KHDRBS1: variants seen among roughly 807,000 people sequenced by gnomAD.
KHDRBS1 encodes the protein KH domain-containing, RNA-binding, signal transduction-associated protein 1.
KHDRBS1 carries 7 observed loss-of-function variants against 48.4 expected under a neutral mutation model. The observed-to-expected ratio is 0.14, with a 90% confidence interval of 0.08 to 0.27. KHDRBS1 has a LOEUF of 0.27. Among genes scored for constraint, KHDRBS1 ranks in the 10% least tolerant of loss-of-function variants. KHDRBS1 has a pLI of 1.00. For synonymous variants in KHDRBS1, 241 were observed against 235.8 expected (o/e 1.02, Z -0.20); for missense variants, 458 against 601.2 (o/e 0.76, Z 2.49).
At chr1:32,053,783 C>T (rs1639449214) in intron 10 of KHDRBS1, among the ~76,000 whole-genome samples, 1 of 152,054 alleles carries the variant, frequency 6.6e-6, no homozygotes, top group African/African-American at 2.4e-5. Flanking sequence ...TGAGCTAATG[C>T]ATATAAAACA....
chr1:32,031,999 A>AC (rs1379294055), intron 3 of KHDRBS1, among the ~76,000 whole-genome samples: 2 of 152,114 alleles, frequency 1.3e-5, no homozygotes, highest in Non-Finnish European at 2.9e-5. Flanking sequence ...CAAATAGCAC[A>AC]CCCCCTTTTT....
At chr1:32,034,131 G>A (rs548212719) in intron 4 of KHDRBS1, among the ~76,000 whole-genome samples, 1 of 152,312 alleles carries the variant, frequency 6.6e-6, no homozygotes, top group South Asian at 2.1e-4. Context: ...TTATTAAGTA[G>A]AATTGAGTAA....
rs1437132344 is a variant in KHDRBS1 at position 32,030,321 on chromosome 1, G to C, written c.406G>C (p.Asp136His). 6.8e-6 allele frequency: 11 copies of C among 1,608,194 alleles called. No individual in the cohort carries two copies. Among genetic ancestry groups the C allele is most frequent in the Non-Finnish European group, 8.5e-6 (10 of 1,177,744 alleles). The change falls in exon 2 of 9, where the codon GAC (aspartate) becomes CAC (histidine). Residue 136 changes from aspartate to histidine, a missense_variant. Transcript: ENST00000327300. ...AGAAATTGAGAAGATTCAGAAAGGA[G>C]ACTCAAAAAAGGATGATGAGGAGAA... ...TAEIEKIQKG[D>H]SKKDDEENYL... is the part of the protein sequence containing the mutation.
intron 1 of KHDRBS1, among the ~76,000 whole-genome samples, chr1:32,023,898 A>G (rs1354638010): frequency 6.6e-6 from 1 of 152,208 alleles, no homozygotes; most frequent in African/African-American, 2.4e-5. Flanking sequence ...TTCCTTGCTT[A>G]AATAAAGTGT....
chr1:32,025,290 T>C (rs928970211), intron 1 of KHDRBS1, among the ~76,000 whole-genome samples: 30 of 104,896 alleles, frequency 2.9e-4, no homozygotes, highest in South Asian at 1.1e-3. Flanking sequence ...ATTCGGCTCC[T>C]CCTTTTTTTT....
chr1:32,014,521 T>TC, intron 1 of KHDRBS1, 144 bp downstream of exon 1: 1 of 881,068 alleles, frequency 1.1e-6, no homozygotes, highest in South Asian at 4.1e-5. Context: ...GAGCCTGGAT[T>TC]CCACATTCCC....
At chr1:32,033,611 T>C (rs1038537911) in intron 4 of KHDRBS1, among the ~76,000 whole-genome samples, 1 of 152,182 alleles carries the variant, frequency 6.6e-6, no homozygotes, top group Non-Finnish European at 1.5e-5. Flanking sequence ...CATTCTGATA[T>C]TTGGTTAACT....
chr1:32,031,144 G>C (rs1011296390), intron 2 of KHDRBS1, among the ~76,000 whole-genome samples: 4 of 152,208 alleles, frequency 2.6e-5, no homozygotes, highest in African/African-American at 9.7e-5. Context: ...CTACTCTGGA[G>C]GCTGGGGCAG....
chr1:32,014,237 C>T lies in KHDRBS1; in HGVS notation c.242C>T (p.Pro81Leu), dbSNP rs1361952216. 1.0e-5 allele frequency: 16 copies of T among 1,527,620 alleles called. No individual in the cohort carries two copies. In the Middle Eastern group the frequency reaches 5.1e-4, roughly 48 times the overall value. 94.6% of individuals were successfully genotyped at this position (1,527,620 alleles called of 1,614,324 possible). A position where few individuals can be genotyped will look rare whatever the true frequency, so the allele number is the denominator to read the frequency against. Residue 81 changes from proline to leucine, a missense_variant, in exon 1 of 9, where the codon CCA (proline) becomes CTA (leucine). Coordinates refer to ENST00000327300, the MANE Select transcript of KHDRBS1 (RefSeq NM_006559.3). ...ATGPDATVGG[P>L]APTPLLPPSA... is the part of the protein sequence containing the mutation. ...GGTCCCGACGCGACAGTGGGCGGGC[C>T]AGCGCCGACCCCGCTGCTGCCCCCC...
downstream of KHDRBS1, among the ~76,000 whole-genome samples, chr1:32,044,525 G>A (rs1639335790): frequency 6.6e-6 from 1 of 152,212 alleles, no homozygotes; most frequent in Admixed American, 6.5e-5. Context: ...CCCTAAGAGA[G>A]CCACCTAAAC....
chr1:32,051,189 T>C (rs1228652325), intron 10 of KHDRBS1, among the ~76,000 whole-genome samples: 1 of 152,362 alleles, frequency 6.6e-6, no homozygotes, highest in East Asian at 1.9e-4. Context: ...TGAGCCACCG[T>C]GCTCGGCCCA....
chr1:32,033,104 T>C (rs1283240715), intron 3 of KHDRBS1, 84 bp from the exon 4 acceptor site: 31 of 1,034,212 alleles, frequency 3.0e-5, no homozygotes. Flanking sequence ...TTAGGGGTAT[T>C]TCTTGCTGTT....
chr1:32,036,249 G>A (rs1223909635), intron 4 of KHDRBS1, among the ~76,000 whole-genome samples: 2 of 134,188 alleles, frequency 1.5e-5, no homozygotes, highest in Admixed American at 1.8e-4. Context: ...TTGGCTCACT[G>A]CAAGCTCCGC....
At chr1:32,058,615 T>G (rs1293438337) in intron 10 of KHDRBS1, among the ~76,000 whole-genome samples, 4 of 152,124 alleles carry the variant, frequency 2.6e-5, no homozygotes, top group African/African-American at 9.7e-5. Context: ...TGGGGCCCTG[T>G]TAAGAAACTT....
downstream of KHDRBS1, among the ~76,000 whole-genome samples, chr1:32,046,357 G>C (rs1265834158): frequency 6.6e-6 from 1 of 152,066 alleles, no homozygotes; most frequent in Non-Finnish European, 1.5e-5. Flanking sequence ...GGGACTACAG[G>C]CACCTGCCAC....
chr1:32,024,588 A>G (rs1638927049), intron 1 of KHDRBS1, among the ~76,000 whole-genome samples: 1 of 151,904 alleles, frequency 6.6e-6, no homozygotes, highest in Admixed American at 6.6e-5. Flanking sequence ...CGGCCTCCCA[A>G]AGTTCTGGGA....
At chr1:32,023,228 G>A (rs566690524) in intron 1 of KHDRBS1, among the ~76,000 whole-genome samples, 1 of 152,148 alleles carries the variant, frequency 6.6e-6, no homozygotes, top group Admixed American at 6.5e-5. Context: ...GTGGGGGGTG[G>A]GAAAGGTTAA....
At chr1:32,028,307 C>T (rs1471596644) in intron 1 of KHDRBS1, among the ~76,000 whole-genome samples, 1 of 151,676 alleles carries the variant, frequency 6.6e-6, no homozygotes, top group Non-Finnish European at 1.5e-5. Context: ...CTTTGAAGCC[C>T]AGCAATCTAG....
intron 1 of KHDRBS1, among the ~76,000 whole-genome samples, chr1:32,026,638 T>C (rs1638976065): frequency 6.6e-6 from 1 of 152,182 alleles, no homozygotes; most frequent in African/African-American, 2.4e-5. Context: ...TAAACACACC[T>C]TCTTGTAGGA....
Sources: allele counts gnomAD v4.1 joint callset (sites outside exome capture counted in the v4.1 genomes callset), GRCh38; gene constraint gnomAD v4.1.1; transcripts MANE v1.5; gene names NCBI Gene and HGNC (gene_info 2026-07-23, HGNC 2026-07-21).